Variants in PCYT1A observed in about 807,000 individuals in gnomAD.
PCYT1A encodes choline-phosphate cytidylyltransferase A.
PCYT1A carries 25 observed loss-of-function variants against 43.7 expected under a neutral mutation model. The observed-to-expected ratio is 0.57, with a 90% CI of 0.42 to 0.80. The LOEUF (loss-of-function observed/expected upper bound fraction) is 0.80, where lower values mean the gene tolerates loss of function less well. Among genes scored for constraint, PCYT1A ranks in the 30% least tolerant of loss-of-function variants. The pLI is 0.00. For missense variants in PCYT1A, 421 were observed against 474.2 expected (o/e 0.89, Z 1.04); for synonymous variants, 172 against 170.7 (o/e 1.01, Z -0.06).
rs973185633 is a variant in PCYT1A, at chr3:196,252,975, A to G, written c.218-4652T>C. Among the ~76,000 whole-genome samples, 3 of 152,228 alleles carry G rather than the reference A, an allele frequency of 2.0e-5. No homozygotes were observed. The highest frequency in any genetic ancestry group is 4.4e-5 in the Non-Finnish European group (3 of 68,036). On this transcript the variant is annotated intron_variant, in intron 3 of 8. Transcript: ENST00000431016. The surrounding 1 kb of genome is among the most constrained non-coding windows in gnomAD (Gnocchi z 4.0). The stretch of plus-strand genomic sequence containing the variant: ...AAGCAAAATAAAACAAAATTTGAGC[A>G]TATAATCCCCCTTCTATGTCCCAGA...
chr3:196,247,815 G>GT lies in PCYT1A; in HGVS notation c.335-298dup, dbSNP rs1724617962. 2 of 552,768 alleles carry GT rather than the reference G, an allele frequency of 3.6e-6. No individual in the cohort carries two copies. The highest frequency in any genetic ancestry group is 6.6e-6 in the Non-Finnish European group (2 of 301,924). The allele number at this position is 552,768 out of a possible 1,614,324, so 34.2% of individuals were successfully genotyped here. A position where few individuals can be genotyped will look rare whatever the true frequency, so the allele number is the denominator to read the frequency against. On this transcript the variant is annotated intron_variant, in intron 4 of 8. Transcript: ENST00000431016. This position sits in a 1 kb window ranked among gnomAD's most constrained non-coding sequence, Gnocchi z 4.8. Reference sequence around the variant, plus strand: ...TGCTGTGCGTGTCTGCATCAATTAAGTCCTTAAACATGTTTTCCTGTTTTA... The same window carrying GT: ...TGCTGTGCGTGTCTGCATCAATTAAGTTCCTTAAACATGTTTTCCTGTTTTA...
intron 2 of PCYT1A, among the ~76,000 whole-genome samples, chr3:196,259,908 A>ATTTTT (rs1356995887): frequency 9.0e-6 from 1 of 111,084 alleles, no homozygotes; most frequent in African/African-American, 3.6e-5. Flanking sequence ...AAATGGAAAC[A>ATTTTT]TTCTTTTTTT....
At chr3:196,248,139 C>A in intron 4 of PCYT1A, 68 bp downstream of exon 4, 1 of 878,604 alleles carries the variant, frequency 1.1e-6, no homozygotes, top group Admixed American at 1.8e-5. Flanking sequence ...GTGTACTCAG[C>A]TGAGAAAGAC....
chr3:196,259,664 C>T (rs1446817881), intron 2 of PCYT1A, among the ~76,000 whole-genome samples: 3 of 151,558 alleles, frequency 2.0e-5, no homozygotes, highest in Non-Finnish European at 4.4e-5. Flanking sequence ...GGCAACATGA[C>T]GAAACCCTGT....
intron 1 of PCYT1A, among the ~76,000 whole-genome samples, chr3:196,281,701 T>G (rs1304039847): frequency 3.3e-5 from 5 of 152,100 alleles, no homozygotes; most frequent in Admixed American, 2.6e-4. Context: ...CTACCTAAAT[T>G]TACCCAATCT....
intron 2 of PCYT1A, among the ~76,000 whole-genome samples, chr3:196,261,075 G>A (rs532735827): frequency 1.3e-5 from 2 of 152,210 alleles, no homozygotes; most frequent in African/African-American, 4.8e-5. Context: ...AAAGGAAGTC[G>A]GACACAAAAG....
In PCYT1A at chr3:196,257,769, TAAG is replaced by T. The variant is rs2108771720; in HGVS notation, c.217+16_217+18del. ...TAAAAACAATAGTCAAACAACAAAT[TAAG>T]AAGGTATTTACTTACAAGGAGTTCC... is the stretch of plus-strand genomic sequence containing the variant. On this transcript the variant is annotated intron_variant, in intron 3 of 8. Coordinates refer to ENST00000431016, the MANE Select transcript of PCYT1A (RefSeq NM_001312673.2). 1 of 1,396,530 alleles carries T rather than the reference TAAG, an allele frequency of 7.2e-7. No individual in the cohort carries two copies. The highest frequency in any genetic ancestry group is 1.0e-6 in the Non-Finnish European group (1 of 982,584). 86.5% of individuals were successfully genotyped at this position (1,396,530 alleles called of 1,614,324 possible).
At chr3:196,261,430 G>A (rs1201848103) in intron 2 of PCYT1A, among the ~76,000 whole-genome samples, 1 of 152,156 alleles carries the variant, frequency 6.6e-6, no homozygotes, top group African/African-American at 2.4e-5. Flanking sequence ...GCCGAGGCAG[G>A]CAGATCATGA....
intron 2 of PCYT1A, chr3:196,267,263 C>T (rs1435088653): frequency 2.2e-6 from 1 of 453,306 alleles, no homozygotes; most frequent in East Asian, 7.0e-5. Context: ...AAGAAGCCAG[C>T]CCCAAAGACC....
At chr3:196,279,071 T>C (rs1333752496) in intron 1 of PCYT1A, among the ~76,000 whole-genome samples, 1 of 150,464 alleles carries the variant, frequency 6.6e-6, no homozygotes, top group Non-Finnish European at 1.5e-5. Context: ...GAGGATCACC[T>C]GAGGTCAGGA....
In PCYT1A at chr3:196,265,279, G is replaced by A. The variant is rs1263114255; in HGVS notation, c.117+5136C>T. On this transcript the variant is annotated intron_variant, in intron 2 of 8. Coordinates refer to ENST00000431016, the MANE Select transcript of PCYT1A (RefSeq NM_001312673.2). ...AACGGGGTTTCGCCATGTTGGCCAG[G>A]CTGGTCTCAAACTCCTGACCTCGTG... 2.6e-5 allele frequency among the ~76,000 whole-genome samples: 4 copies of A among 151,966 alleles called. No individual in the cohort carries two copies. In the East Asian group the frequency reaches 7.7e-4, roughly 29 times the overall value.
chr3:196,275,318 C>T (rs1026850103), intron 1 of PCYT1A, among the ~76,000 whole-genome samples: 3 of 152,102 alleles, frequency 2.0e-5, no homozygotes, highest in Non-Finnish European at 4.4e-5. Context: ...AATGACCTCA[C>T]TTATTTGTGG....
At chr3:196,256,063 A>C (rs2108770972) in intron 3 of PCYT1A, among the ~76,000 whole-genome samples, 1 of 152,214 alleles carries the variant, frequency 6.6e-6, no homozygotes, top group South Asian at 2.1e-4. Flanking sequence ...ATGAATCAGA[A>C]GGTTGTGATC....
At chr3:196,286,318 A>G (rs1013902018) in intron 1 of PCYT1A, among the ~76,000 whole-genome samples, 2 of 152,196 alleles carry the variant, frequency 1.3e-5, no homozygotes, top group African/African-American at 4.8e-5. Flanking sequence ...ACATTCAGGA[A>G]GCCTCCTCCA....
Position 196,238,606 on chromosome 3 carries a change from T to C in PCYT1A, c.*82A>G, listed in dbSNP as rs1316082886. On this transcript the variant is annotated 3_prime_UTR_variant, in exon 9 of 9. Coordinates refer to ENST00000431016, the MANE Select transcript of PCYT1A (RefSeq NM_001312673.2). ...TTGTAGCTGTCCTTAGGTTTAGTGT[T>C]GGGGTCACAATTTGGAATTCAACAG... is the stretch of plus-strand genomic sequence containing the variant. 1 of 950,438 alleles carries C rather than the reference T, an allele frequency of 1.1e-6. No homozygotes were observed. The highest frequency in any genetic ancestry group is 1.5e-6 in the Non-Finnish European group (1 of 649,570). 58.9% of individuals were successfully genotyped at this position (950,438 alleles called of 1,614,324 possible). A position where few individuals can be genotyped will look rare whatever the true frequency, so the allele number is the denominator to read the frequency against.
Position 196,242,193 on chromosome 3 carries a change from A to G in PCYT1A, c.566-103T>C. ...GCAACATTCCTTTCCTTTCCTCAAA[A>G]AGCAGAATCTGTTATTACTAAATGA... is the stretch of plus-strand genomic sequence containing the variant. On this transcript the variant is annotated intron_variant, in intron 6 of 8. Coordinates refer to ENST00000431016, the MANE Select transcript of PCYT1A (RefSeq NM_001312673.2). The surrounding 1 kb of genome is among the most constrained non-coding windows in gnomAD (Gnocchi z 4.2). 1 of 1,167,426 alleles carries G rather than the reference A, an allele frequency of 8.6e-7. No individual in the cohort carries two copies. The highest frequency in any genetic ancestry group is 2.3e-5 in the East Asian group (1 of 42,670). 72.3% of individuals were successfully genotyped at this position (1,167,426 alleles called of 1,614,324 possible).
At chr3:196,244,414 C>T (rs925391187) in intron 5 of PCYT1A, among the ~76,000 whole-genome samples, 1 of 151,548 alleles carries the variant, frequency 6.6e-6, no homozygotes, top group African/African-American at 2.4e-5. Flanking sequence ...GCCACTGCCC[C>T]GCCGCCCCGT....
At chr3:196,243,236 G>C (rs1399772820) in intron 5 of PCYT1A, 1 of 153,074 alleles carries the variant, frequency 6.5e-6, no homozygotes, top group Admixed American at 6.5e-5. Context: ...GCTGAGGCAG[G>C]AGAATTGCTT....
In PCYT1A at chr3:196,236,118, A is replaced by T. The variant is rs1179256557; in HGVS notation, c.*2570T>A. 6 of 152,248 alleles carry T rather than the reference A, an allele frequency of 3.9e-5. No homozygotes were observed. Among genetic ancestry groups the T allele is most frequent in the Non-Finnish European group, 8.8e-5 (6 of 68,046 alleles). 9.4% of individuals were successfully genotyped at this position (152,248 alleles called of 1,614,324 possible). On this transcript the variant is annotated 3_prime_UTR_variant, in exon 9 of 9. Transcript: ENST00000431016. ...AGCCTGCAGGTCCCGTTCCAAGCAC[A>T]GGGCATGCCAAGAGCAGCCCACTGA... is the stretch of plus-strand genomic sequence containing the variant.
Sources: gnomAD v4.1 joint callset for allele counts (sites outside exome capture counted in the v4.1 genomes callset) on GRCh38, gnomAD v4.1.1 for gene constraint, Gnocchi (gnomAD v3.1) non-coding constraint, MANE v1.5 for transcripts, NCBI Gene and HGNC (gene_info 2026-07-23, HGNC 2026-07-21) for gene names.